SPEN: variants seen among roughly 807,000 people sequenced by gnomAD.
The protein encoded by SPEN is spen family transcriptional repressor.
A neutral mutation model predicts 269.9 loss-of-function variants in SPEN; 18 were observed. That is an observed-to-expected ratio of 0.07 (90% CI 0.05 to 0.10). The LOEUF (loss-of-function observed/expected upper bound fraction) is 0.10, where lower values mean the gene tolerates loss of function less well. Among genes scored for constraint, SPEN ranks in the 10% least tolerant of loss-of-function variants. SPEN has a pLI of 1.00. For synonymous variants in SPEN, 1,726 were observed against 1,765.7 expected (o/e 0.98, Z 0.56); for missense variants, 3,822 against 4,631.2 (o/e 0.83, Z 5.07).
At chr1:15,890,984 A>G (rs2070782742) in intron 3 of SPEN, among the ~76,000 whole-genome samples, 1 of 152,220 alleles carries the variant, frequency 6.6e-6, no homozygotes, top group South Asian at 2.1e-4. Context: ...CAATAGCCAC[A>G]TGTGACTAGT....
intron 1 of SPEN, among the ~76,000 whole-genome samples, chr1:15,859,372 T>C (rs1220694614): frequency 6.7e-6 from 1 of 148,226 alleles, no homozygotes; most frequent in Non-Finnish European, 1.5e-5. Flanking sequence ...TTTTTTTTTT[T>C]TTTGAGAGGG....
chr1:15,913,464 T>G (rs1231267788), intron 5 of SPEN, among the ~76,000 whole-genome samples: 1 of 152,058 alleles, frequency 6.6e-6, no homozygotes, highest in African/African-American at 2.4e-5. Flanking sequence ...ATTGATTGAT[T>G]GATTGATTGG....
Position 15,920,964 on chromosome 1 carries a change from T to C in SPEN, c.1730T>C (p.Ile577Thr). 1.2e-6 allele frequency: 2 copies of C among 1,607,110 alleles called. No homozygotes were observed. The highest frequency in any genetic ancestry group is 1.7e-6 in the Non-Finnish European group (2 of 1,175,078). The change falls in exon 9 of 15, where the codon ATC becomes ACC. Residue 577 changes from isoleucine to threonine, a missense_variant. Ile to Thr is a moderately conservative substitution (Grantham distance 89, BLOSUM62 -1). Around this residue, in one of 16 missense-constraint regions of SPEN, gnomAD observed 230 missense variants for 426.1 expected, o/e 0.54. Coordinates refer to ENST00000375759, the MANE Select transcript of SPEN (RefSeq NM_015001.3). ...GTAAAAGAGACCAAAGGGAGGAAAA[T>C]CGGTGGGAATAAAATTAAGGTGTGC... ...AAVKETKGRK[I>T]GGNKIKVDFA...
In SPEN at chr1:15,914,639, A is replaced by G. The variant is rs57545196; in HGVS notation, c.1244-1489A>G. ...GGAGTTCGAGAGTAGCCTGCCCAAC[A>G]TGGCGAAACCCCGTCTCTACTAAAA... On this transcript the variant is annotated intron_variant, in intron 5 of 14. Transcript: ENST00000375759. Among the ~76,000 whole-genome samples the G allele has an allele frequency of 7.2e-3, 1,102 of 152,292 alleles. 24 individuals carry two copies. The highest frequency in any genetic ancestry group is 0.025 in the African/African-American group (1,040 of 41,574).
intron 3 of SPEN, among the ~76,000 whole-genome samples, chr1:15,884,945 A>G (rs1013816213): frequency 6.6e-6 from 1 of 152,036 alleles, no homozygotes; most frequent in African/African-American, 2.4e-5. Flanking sequence ...CACCCAGGCT[A>G]GTTTCAAATT....
chr1:15,913,920 C>T (rs1298259059), intron 5 of SPEN, among the ~76,000 whole-genome samples: 3 of 152,016 alleles, frequency 2.0e-5, no homozygotes, highest in African/African-American at 4.8e-5. Flanking sequence ...GGAATGAAGC[C>T]GTTACAGATT....
intron 3 of SPEN, 132 bp from the exon 4 acceptor site, chr1:15,909,189 G>A: frequency 2.3e-6 from 2 of 869,418 alleles, no homozygotes; most frequent in Admixed American, 5.0e-5. Context: ...CGAGATAGAT[G>A]TGTAGAATGC....
intron 5 of SPEN, among the ~76,000 whole-genome samples, chr1:15,914,325 G>C (rs182191471): frequency 1.5e-3 from 226 of 152,292 alleles, no homozygotes; most frequent in Non-Finnish European, 2.4e-3. Flanking sequence ...TCAATGGCTG[G>C]CTCTAAATGC....
intron 1 of SPEN, among the ~76,000 whole-genome samples, chr1:15,870,921 A>C (rs1199332170): frequency 6.6e-6 from 1 of 152,206 alleles, no homozygotes; most frequent in Non-Finnish European, 1.5e-5. Flanking sequence ...ATTGTAAATA[A>C]ATGTCATGAG....
At chr1:15,862,815 G>T (rs924623613) in intron 1 of SPEN, among the ~76,000 whole-genome samples, 1 of 151,364 alleles carries the variant, frequency 6.6e-6, no homozygotes, top group African/African-American at 2.4e-5. Context: ...AGGCTAGAGT[G>T]CAGTGATGCA....
rs762175217 is a variant in SPEN at position 15,935,981 on chromosome 1, T to A, written c.9741T>A (p.Pro3247=). Residue 3247 remains proline (P), a synonymous_variant, in exon 11 of 15, where the codon CCT becomes CCA. Coordinates refer to ENST00000375759, the MANE Select transcript of SPEN (RefSeq NM_015001.3). This position sits in a 1 kb window ranked among gnomAD's most constrained non-coding sequence, Gnocchi z 7.7. ...CCAAAGCTGCCCCCACCCCCACCCC[T>A]GCCCCCGTCCCTGTCCCTGTCCCCC... ...PDAKAAPTPT[P]APVPVPVPLP... 5.0e-6 allele frequency: 3 copies of A among 595,720 alleles called. No individual in the cohort carries two copies. Among genetic ancestry groups the A allele is most frequent in the Admixed American group, 3.3e-5 (1 of 30,490 alleles). The allele number at this position is 595,720 out of a possible 1,614,324, so 36.9% of individuals were successfully genotyped here. A position where few individuals can be genotyped will look rare whatever the true frequency, so the allele number is the denominator to read the frequency against.
chr1:15,904,302 A>G (rs1471607803), intron 3 of SPEN, among the ~76,000 whole-genome samples: 1 of 151,972 alleles, frequency 6.6e-6, no homozygotes, highest in Non-Finnish European at 1.5e-5. Context: ...ACATGGTGAA[A>G]CCCTGTCTCT....
Position 15,928,521 on chromosome 1 carries a change from G to T in SPEN, c.2281G>T (p.Asp761Tyr). 1 of 1,614,150 alleles carries T rather than the reference G, an allele frequency of 6.2e-7. No individual in the cohort carries two copies. Among genetic ancestry groups the T allele is most frequent in the South Asian group, 1.1e-5 (1 of 91,068 alleles). The part of the protein sequence containing the change: ...SERRLYSRSS[D>Y]RSGSCSSLSP... ...GAGGAGGCTTTACAGCCGATCCTCA[G>T]ACCGGAGTGGAAGCTGTAGCTCACT... The change falls in exon 11 of 15, where the codon GAC becomes TAC. Residue 761 changes from aspartate to tyrosine, a missense_variant. This residue lies in a region of SPEN where 572 missense variants were observed against 582.6 expected (regional missense o/e 0.98). Coordinates refer to ENST00000375759, the MANE Select transcript of SPEN (RefSeq NM_015001.3). This position sits in a 1 kb window ranked among gnomAD's most constrained non-coding sequence, Gnocchi z 5.7.
At position 15,932,718 on chromosome 1, in the gene SPEN, C is replaced by G. The variant is rs747561893; in HGVS notation, c.6478C>G (p.Pro2160Ala). ...KEDVSASGPS[P>A]EATQLAKQME... ...AGACGTGTCTGCCTCTGGGCCGTCC[C>G]CAGAAGCCACCCAGTTAGCCAAGCA... Residue 2160 changes from proline to alanine, a missense_variant, in exon 11 of 15, where the codon CCA becomes GCA. This residue lies in a region of SPEN where 727 missense variants were observed against 737.9 expected (regional missense o/e 0.99). Transcript: ENST00000375759. This position sits in a 1 kb window ranked among gnomAD's most constrained non-coding sequence, Gnocchi z 4.2. The G allele has an allele frequency of 1.9e-6, 3 of 1,614,126 alleles. No homozygotes were observed. Among genetic ancestry groups the G allele is most frequent in the Non-Finnish European group, 2.5e-6 (3 of 1,180,018 alleles).
At chr1:15,881,078 C>T (rs1281652691) in intron 3 of SPEN, among the ~76,000 whole-genome samples, 2 of 152,254 alleles carry the variant, frequency 1.3e-5, no homozygotes, top group Admixed American at 6.5e-5. Flanking sequence ...AAACCATCCT[C>T]CTGTTTCAGT....
rs771632933 is a variant in SPEN at position 15,935,344 on chromosome 1, C to T, written c.9104C>T (p.Ser3035Leu). The change falls in exon 11 of 15, where the codon TCA (serine) becomes TTA (leucine). Residue 3035 changes from serine (S) to leucine (L), a missense_variant. By Grantham distance (145) the Ser-to-Leu change is moderately radical. Around this residue, in one of 16 missense-constraint regions of SPEN, gnomAD observed 94 missense variants for 90.4 expected, o/e 1.04. Transcript: ENST00000375759. This position sits in a 1 kb window ranked among gnomAD's most constrained non-coding sequence, Gnocchi z 7.7. Reference sequence around the variant, plus strand: ...CGACCAAGTGGACCCGGGCCATCCTCATTCCCAAGGGCAAGCCACCCCAGC... The same window carrying T: ...CGACCAAGTGGACCCGGGCCATCCTTATTCCCAAGGGCAAGCCACCCCAGC... ...SPRPSGPGPS[S>L]FPRASHPSST... 2 of 1,614,148 alleles carry T rather than the reference C, an allele frequency of 1.2e-6. No homozygotes were observed. The highest frequency in any genetic ancestry group is 1.7e-6 in the Non-Finnish European group (2 of 1,180,016).
At chr1:15,886,242 T>C (rs2070735234) in intron 3 of SPEN, among the ~76,000 whole-genome samples, 1 of 152,184 alleles carries the variant, frequency 6.6e-6, no homozygotes, top group Non-Finnish European at 1.5e-5. Context: ...ACCTTGCTTT[T>C]AGTTAGGATG....
At chr1:15,896,296 A>C (rs2070842037) in intron 3 of SPEN, among the ~76,000 whole-genome samples, 1 of 146,076 alleles carries the variant, frequency 6.8e-6, no homozygotes, top group South Asian at 2.1e-4. Flanking sequence ...CCCAGATTCA[A>C]GCAATTCTCC....
At position 15,931,691 on chromosome 1, in the gene SPEN, G is replaced by A. The variant is rs1239625310; in HGVS notation, c.5451G>A (p.Lys1817=). The A allele has an allele frequency of 6.2e-7, 1 of 1,614,170 alleles. No individual in the cohort carries two copies. The part of the protein sequence containing the change: ...VDPPVAAKDK[K]PNKSKRSKTP... ...CTCCAGTTGCTGCAAAGGATAAAAA[G>A]CCAAACAAAAGCAAGCGTTCAAAGA... Residue 1817 remains lysine, a synonymous_variant, in exon 11 of 15, where the codon AAG becomes AAA. Transcript: ENST00000375759. This position sits in a 1 kb window ranked among gnomAD's most constrained non-coding sequence, Gnocchi z 4.8.
Sources: allele counts gnomAD v4.1 joint callset (sites outside exome capture counted in the v4.1 genomes callset), GRCh38; gene constraint gnomAD v4.1.1; regional missense constraint gnomAD v4.1.1; non-coding constraint Gnocchi (gnomAD v3.1); transcripts MANE v1.5; gene names NCBI Gene and HGNC (gene_info 2026-07-23, HGNC 2026-07-21).